The following PSMA1 variants were observed in gnomAD, a reference collection of about 807,000 sequenced individuals.
PSMA1 encodes proteasome 20S subunit alpha 1.
PSMA1 carries 3 observed loss-of-function variants against 38.4 expected under a neutral mutation model. The observed-to-expected ratio is 0.08, with a 90% CI of 0.04 to 0.20. The LOEUF (loss-of-function observed/expected upper bound fraction) is 0.20. Ranked by LOEUF, PSMA1 falls within the 10% of genes least tolerant of loss-of-function variation. PSMA1 has a pLI of 1.00. For missense variants in PSMA1, 227 were observed against 325.3 expected (o/e 0.70, Z 2.32); for synonymous variants, 101 against 107.1 (o/e 0.94, Z 0.35).
intron 1 of PSMA1, among the ~76,000 whole-genome samples, chr11:14,623,719 A>G (rs1308150539): frequency 6.6e-6 from 1 of 152,232 alleles, no homozygotes; most frequent in Non-Finnish European, 1.5e-5. Context: ...ACATTTTGGC[A>G]TAAGAAAAAA....
upstream of PSMA1, among the ~76,000 whole-genome samples, chr11:14,520,848 G>T (rs900937739): frequency 5.3e-5 from 8 of 152,222 alleles, no homozygotes; most frequent in Non-Finnish European, 1.2e-4. Flanking sequence ...TTGCATTAAG[G>T]TTGGTGCAAA....
chr11:14,600,706 G>T, intron 2 of PSMA1, among the ~76,000 whole-genome samples: 1 of 152,208 alleles, frequency 6.6e-6, no homozygotes, highest in East Asian at 1.9e-4. Context: ...CCCAGGTGAG[G>T]TTATGCCCCA....
chr11:14,507,350 T>C (rs1851261055), intron 9 of PSMA1, among the ~76,000 whole-genome samples: 1 of 152,096 alleles, frequency 6.6e-6, no homozygotes, highest in African/African-American at 2.4e-5. Context: ...GTATTTTTAG[T>C]AGAGACGGGG....
At chr11:14,632,955 A>C (rs1221336253) in intron 1 of PSMA1, among the ~76,000 whole-genome samples, 2 of 148,898 alleles carry the variant, frequency 1.3e-5, no homozygotes, top group Admixed American at 1.3e-4. Context: ...TGCATTCTTC[A>C]CGTAGTTCTC....
intron 1 of PSMA1, among the ~76,000 whole-genome samples, chr11:14,641,845 C>T (rs568156823): frequency 8.0e-4 from 121 of 152,194 alleles, no homozygotes; most frequent in African/African-American, 2.7e-3. Context: ...TTAAGGATGC[C>T]TATGTATTTT....
At chr11:14,619,786 T>G (rs905707031) in intron 1 of PSMA1, among the ~76,000 whole-genome samples, 2 of 152,160 alleles carry the variant, frequency 1.3e-5, no homozygotes, top group African/African-American at 4.8e-5. Context: ...GACCTTGTTA[T>G]GTGTAATTTC....
intron 1 of PSMA1, among the ~76,000 whole-genome samples, chr11:14,611,305 C>A (rs1160443949): frequency 6.6e-6 from 1 of 152,084 alleles, no homozygotes; most frequent in Non-Finnish European, 1.5e-5. Flanking sequence ...ATGTTCCCCA[C>A]GTGGAGGGAA....
intron 1 of PSMA1, among the ~76,000 whole-genome samples, chr11:14,638,541 CTCTCTATATA>C (rs1164214989): frequency 1.7e-3 from 27 of 15,698 alleles, no homozygotes; most frequent in Admixed American, 3.3e-3. Flanking sequence ...CTCTCTCTCT[CTCTCTATATA>C]TATATATATA....
chr11:14,514,103 A>G, intron 5 of PSMA1: 2 of 1,320,542 alleles, frequency 1.5e-6, no homozygotes, highest in Non-Finnish European at 1.9e-6. Flanking sequence ...ATTTCTTCCC[A>G]TCTAAAACCT....
Position 14,540,128 on chromosome 11 carries a change from C to T in PSMA1, c.22-21087G>A, listed in dbSNP as rs549800699. On this transcript the variant is annotated intron_variant, in intron 2 of 10. Transcript: ENST00000418988. ...AAATGTTTCCCTTGACCCTCTCTAC[C>T]CACCCAGCTCTGTTCAGATCTTCAC... 2.0e-5 allele frequency among the ~76,000 whole-genome samples: 3 copies of T among 152,268 alleles called. No individual in the cohort carries two copies. The South Asian group carries it at 6.2e-4, about 32-fold the overall frequency.
At chr11:14,523,053 G>A (rs1235930922), upstream of PSMA1, among the ~76,000 whole-genome samples, 1 of 152,092 alleles carries the variant, frequency 6.6e-6, no homozygotes, top group Non-Finnish European at 1.5e-5. Flanking sequence ...GCAAATATCT[G>A]GGGCTTTGCG....
chr11:14,513,145 A>G (rs1851371826), intron 7 of PSMA1, among the ~76,000 whole-genome samples: 1 of 152,036 alleles, frequency 6.6e-6, no homozygotes, highest in Non-Finnish European at 1.5e-5. Context: ...TTCTCCCTCA[A>G]CTACACTGCC....
intron 2 of PSMA1, among the ~76,000 whole-genome samples, chr11:14,581,636 G>T (rs1790387101): frequency 6.6e-6 from 1 of 152,122 alleles, no homozygotes; most frequent in Non-Finnish European, 1.5e-5. Flanking sequence ...ACCTGTATTA[G>T]TCAAGACTCA....
intron 2 of PSMA1, among the ~76,000 whole-genome samples, chr11:14,585,175 A>G (rs1589999882): frequency 1.3e-5 from 2 of 152,248 alleles, no homozygotes; most frequent in Non-Finnish European, 1.5e-5. Flanking sequence ...GCTTGTTCCT[A>G]TACTATCCAG....
intron 9 of PSMA1, among the ~76,000 whole-genome samples, chr11:14,505,958 C>T (rs369301515): frequency 1.1e-4 from 16 of 152,268 alleles, no homozygotes; most frequent in African/African-American, 2.2e-4. Flanking sequence ...TTGCAGTGAG[C>T]TATGATGGCA....
intron 2 of PSMA1, among the ~76,000 whole-genome samples, chr11:14,539,997 T>A (rs1350470024): frequency 6.6e-6 from 1 of 152,222 alleles, no homozygotes; most frequent in African/African-American, 2.4e-5. Context: ...TTGCAGCATT[T>A]AGCCTGTAGT....
chr11:14,576,737 G>T (rs1052186076), intron 2 of PSMA1, among the ~76,000 whole-genome samples: 9 of 152,082 alleles, frequency 5.9e-5, no homozygotes, highest in African/African-American at 2.2e-4. Flanking sequence ...TTGTTCTTTT[G>T]GCTTAGGATT....
intron 2 of PSMA1, among the ~76,000 whole-genome samples, chr11:14,563,260 A>G (rs1852030709): frequency 6.6e-6 from 1 of 152,216 alleles, no homozygotes; most frequent in Non-Finnish European, 1.5e-5. Context: ...AGAGGTGCTT[A>G]GCAGAAATGG....
intron 2 of PSMA1, among the ~76,000 whole-genome samples, chr11:14,546,700 A>G (rs1222545122): frequency 6.6e-6 from 1 of 152,080 alleles, no homozygotes; most frequent in African/African-American, 2.4e-5. Flanking sequence ...CCTCCCAAAG[A>G]GCTGGAATTA....
Sources: gnomAD v4.1 joint callset for allele counts (sites outside exome capture counted in the v4.1 genomes callset) on GRCh38, gnomAD v4.1.1 for gene constraint, MANE v1.5 for transcripts, NCBI Gene and HGNC (gene_info 2026-07-23, HGNC 2026-07-21) for gene names.